The following SORBS2 variants were observed in gnomAD, a reference collection of about 807,000 sequenced individuals.
SORBS2 encodes the protein sorbin and SH3 domain containing 2.
SORBS2 carries 46 observed loss-of-function variants against 97.7 expected under a neutral mutation model. The ratio of observed to expected loss-of-function variants is 0.47; its 90% confidence interval spans 0.37 to 0.60. SORBS2 has a LOEUF of 0.60. SORBS2 is among the 20% of genes least tolerant of loss of function. SORBS2 has a pLI of 0.00. For synonymous variants in SORBS2, 476 were observed against 473.4 expected, an observed-to-expected ratio of 1.01 and a Z score of -0.07; for missense variants, 1,316 against 1,282.3, an observed-to-expected ratio of 1.03 and a Z score of -0.40.
chr4:185,930,283 G>GT (rs915883875), intron 1 of SORBS2, among the ~76,000 whole-genome samples: 1 of 151,418 alleles, frequency 6.6e-6, no homozygotes, highest in Non-Finnish European at 1.5e-5. Flanking sequence ...TAGGATAGAG[G>GT]TTTTTTTGTT....
chr4:185,845,016 GC>G (rs1376014712), intron 1 of SORBS2, among the ~76,000 whole-genome samples: 2 of 140,986 alleles, frequency 1.4e-5, no homozygotes, highest in Non-Finnish European at 3.1e-5. Context: ...TGATGAAAAT[GC>G]TTTTTTTTTT....
intron 1 of SORBS2, among the ~76,000 whole-genome samples, chr4:185,790,275 T>G (rs899242133): frequency 6.6e-6 from 1 of 152,208 alleles, no homozygotes; most frequent in Admixed American, 6.5e-5. Flanking sequence ...TGAGAGTAGC[T>G]AGCATTGGGG....
rs748888326 is a variant in SORBS2 at position 185,651,780 on chromosome 4, C to T, written c.91+882G>A. 1 of 1,497,772 alleles carries T rather than the reference C, an allele frequency of 6.7e-7. No individual in the cohort carries two copies. Among genetic ancestry groups the T allele is most frequent in the Non-Finnish European group, 9.3e-7 (1 of 1,077,086 alleles). The allele number at this position is 1,497,772 out of a possible 1,614,324, so 92.8% of individuals were successfully genotyped here. On this transcript the variant is annotated intron_variant, in intron 2 of 14. Transcript: ENST00000418609. ...GTCATTGCGAGCAAGGAAACCCATC[C>T]TACCTGCATTGTATGTATAAGGAGT...
chr4:185,906,085 G>A (rs991424067), intron 1 of SORBS2, among the ~76,000 whole-genome samples: 5 of 152,188 alleles, frequency 3.3e-5, no homozygotes, highest in Non-Finnish European at 5.9e-5. Flanking sequence ...CCAGGCTGGA[G>A]TGCAGTGGCA....
At position 185,879,481 on chromosome 4, in the gene SORBS2, C is replaced by T. The variant is rs1014262414; in HGVS notation, c.-338+76715G>A. On this transcript the variant is annotated intron_variant, in intron 1 of 20. Transcript: ENST00000284776. ...TGTGAATAGTGCTGCAATAAACATACGTGTGCATGTGTCTTTATAGCAGCA... is the reference window on the plus strand; with the variant it reads ...TGTGAATAGTGCTGCAATAAACATATGTGTGCATGTGTCTTTATAGCAGCA... 2.0e-5 allele frequency among the ~76,000 whole-genome samples: 3 copies of T among 152,112 alleles called. No homozygotes were observed. The South Asian group carries it at 6.2e-4, about 32-fold the overall frequency.
intron 1 of SORBS2, among the ~76,000 whole-genome samples, chr4:185,889,320 C>T (rs1156409158): frequency 6.6e-6 from 1 of 152,054 alleles, no homozygotes. Flanking sequence ...TGCAATTGCT[C>T]CCTTTCTCTC....
intron 2 of SORBS2, among the ~76,000 whole-genome samples, chr4:185,756,719 C>CT (rs56955640): frequency 0.21 from 27,834 of 131,244 alleles, 3,150 homozygotes; most frequent in African/African-American, 0.28. Flanking sequence ...ACTGTTAAAG[C>CT]TTTTTTTTTT....
intron 1 of SORBS2, among the ~76,000 whole-genome samples, chr4:185,949,747 AAC>A (rs922431700): frequency 2.0e-5 from 3 of 152,166 alleles, no homozygotes; most frequent in African/African-American, 7.2e-5. Flanking sequence ...AGTCTAAACA[AAC>A]ACAGTGTGAA....
intron 1 of SORBS2, among the ~76,000 whole-genome samples, chr4:185,814,551 G>A (rs1218888818): frequency 1.4e-5 from 2 of 139,454 alleles, no homozygotes; most frequent in Non-Finnish European, 3.1e-5. Flanking sequence ...GTTTTTAGTA[G>A]CAAAACAAAC....
rs1325141750 is a variant in SORBS2, at chr4:185,622,903, A to T, written c.2215+11T>A. ...TGAACCACAAGGAAAAAGAAAGAAA[A>T]GCTCATCCACCTTGGAGTGCACCGC... On this transcript the variant is annotated intron_variant, in intron 7 of 14. Transcript: ENST00000418609. 5.1e-6 allele frequency: 8 copies of T among 1,568,460 alleles called. No homozygotes were observed. The highest frequency in any genetic ancestry group is 1.7e-6 in the Non-Finnish European group (2 of 1,156,966).
upstream of SORBS2, chr4:185,657,730 C>T: frequency 2.5e-6 from 2 of 807,016 alleles, no homozygotes; most frequent in East Asian, 3.1e-5. Flanking sequence ...AACTCATTTA[C>T]TTTCCATCTG....
rs1182663419 is a variant in SORBS2 at position 185,623,487 on chromosome 4, G to T, written c.1642C>A (p.His548Asn). Residue 548 changes from histidine (H) to asparagine (N), a missense_variant, in exon 7 of 15, where the codon CAT becomes AAT. Coordinates refer to ENST00000418609, the Ensembl canonical transcript of SORBS2. This position sits in a 1 kb window ranked among gnomAD's most constrained non-coding sequence, Gnocchi z 6.4. ...TGGCGGTGGTGGTGGTGGTGGTGATGGTGGTGGTGGTGGCTGGATCCGTAA... is the reference window on the plus strand; with the variant it reads ...TGGCGGTGGTGGTGGTGGTGGTGATTGTGGTGGTGGTGGCTGGATCCGTAA... 1.9e-6 allele frequency: 3 copies of T among 1,612,798 alleles called. No individual in the cohort carries two copies. The East Asian group carries it at 6.7e-5, about 36-fold the overall frequency.
At chr4:185,710,652 G>A (rs372916290) in intron 2 of SORBS2, among the ~76,000 whole-genome samples, 9 of 152,338 alleles carry the variant, frequency 5.9e-5, no homozygotes, top group East Asian at 3.9e-4. Flanking sequence ...TTTGTTCTCT[G>A]TGTGAGCTAT....
rs1177941171 is a variant in SORBS2, at chr4:185,623,250, A to G, written c.1879T>C (p.Cys627Arg). The stretch of plus-strand genomic sequence containing the variant: ...AGAGCCTCAAACACAGATGCTTTAC[A>G]TTTTGCCTTTTCAGTCTGTTTCTTA... Residue 627 changes from cysteine (C) to arginine (R), a missense_variant, in exon 7 of 15, where the codon TGT becomes CGT. Physicochemically the swap from Cys to Arg is radical, Grantham distance 180. Transcript: ENST00000418609. This position sits in a 1 kb window ranked among gnomAD's most constrained non-coding sequence, Gnocchi z 6.4. The G allele has an allele frequency of 6.2e-7, 1 of 1,613,982 alleles. No individual in the cohort carries two copies. Among genetic ancestry groups the G allele is most frequent in the South Asian group, 1.1e-5 (1 of 91,070 alleles).
At chr4:185,638,908 C>G in intron 4 of SORBS2, 1 of 1,488,208 alleles carries the variant, frequency 6.7e-7, no homozygotes, top group Non-Finnish European at 8.9e-7. Flanking sequence ...GGCGCGCGAG[C>G]TTGGTGTGGG....
chr4:185,689,651 T>C (rs151062322), intron 2 of SORBS2, among the ~76,000 whole-genome samples: 1 of 152,312 alleles, frequency 6.6e-6, no homozygotes, highest in Non-Finnish European at 1.5e-5. Context: ...CGCAAGGCTC[T>C]GCACTCGACC....
chr4:185,728,313 T>A (rs776227359), intron 2 of SORBS2, among the ~76,000 whole-genome samples: 93 of 152,170 alleles, frequency 6.1e-4, no homozygotes, highest in Non-Finnish European at 1.1e-3. Context: ...TGTTTTCACC[T>A]GACTGTAGGG....
At chr4:185,804,339 T>A (rs975188807) in intron 1 of SORBS2, among the ~76,000 whole-genome samples, 7 of 152,222 alleles carry the variant, frequency 4.6e-5, no homozygotes, top group Non-Finnish European at 1.0e-4. Context: ...CTCTTGGTAG[T>A]GGACATGGCA....
chr4:185,668,423 G>T (rs1486822620), intron 4 of SORBS2, among the ~76,000 whole-genome samples: 2 of 152,252 alleles, frequency 1.3e-5, no homozygotes, highest in African/African-American at 4.8e-5. Flanking sequence ...ATGTGCGTGT[G>T]TGTGTTTGTG....
Sources: allele counts gnomAD v4.1 joint callset (sites outside exome capture counted in the v4.1 genomes callset), GRCh38; gene constraint gnomAD v4.1.1; non-coding constraint Gnocchi (gnomAD v3.1); transcripts MANE v1.5; gene names NCBI Gene and HGNC (gene_info 2026-07-23, HGNC 2026-07-21).